Variants in USP25 observed in about 807,000 individuals in gnomAD.
The protein encoded by USP25 is ubiquitin specific peptidase 25.
Under a neutral mutation model 158.5 loss-of-function variants are expected in USP25, and 85 were observed. The observed-to-expected ratio is 0.54, with a 90% CI of 0.45 to 0.64. The LOEUF (loss-of-function observed/expected upper bound fraction) is 0.64, where lower values mean the gene tolerates loss of function less well. Among genes scored for constraint, USP25 ranks in the 30% least tolerant of loss-of-function variants. The pLI is 0.00. For synonymous variants in USP25, 464 were observed against 460.4 expected, an observed-to-expected ratio of 1.01 and a Z score of -0.10; for missense variants, 1,242 against 1,327.3, an observed-to-expected ratio of 0.94 and a Z score of 1.00.
chr21:15,831,350 A>G (rs1455261322), intron 15 of USP25, 51 bp from the exon 16 acceptor site: 1 of 1,532,638 alleles, frequency 6.5e-7, no homozygotes, highest in African/African-American at 1.4e-5. Flanking sequence ...GGAATGTGGT[A>G]TATAGTAAAC....
intron 20 of USP25, among the ~76,000 whole-genome samples, chr21:15,859,495 G>T (rs956875673): frequency 2.6e-5 from 4 of 151,920 alleles, no homozygotes; most frequent in South Asian, 2.1e-4. Flanking sequence ...GCGCCCGGCC[G>T]CTTTCTCTTG....
chr21:15,738,239 A>G (rs947168599), intron 1 of USP25, among the ~76,000 whole-genome samples: 5 of 152,156 alleles, frequency 3.3e-5, no homozygotes, highest in African/African-American at 1.2e-4. Flanking sequence ...CTCATACTGG[A>G]AAAGAAAGTT....
intron 22 of USP25, among the ~76,000 whole-genome samples, chr21:15,868,112 T>G (rs377564197): frequency 2.0e-5 from 3 of 152,310 alleles, no homozygotes; most frequent in African/African-American, 7.2e-5. Context: ...GGGAAATAAA[T>G]AAAATTTGAT....
At chr21:15,845,185 T>C (rs1406086015) in intron 18 of USP25, among the ~76,000 whole-genome samples, 1 of 152,158 alleles carries the variant, frequency 6.6e-6, no homozygotes, top group African/African-American at 2.4e-5. Context: ...ATAGCTTTTT[T>C]GTCACCCTTC....
rs1003807462 is a variant in USP25, at chr21:15,841,846, A to G, written c.2195-552A>G. On this transcript the variant is annotated intron_variant, in intron 17 of 25. Transcript: ENST00000400183. ...ATGTTCATTGTACATTGTTGGATATATAAGTCTGGAACTCAAAAGATGGAT... is the reference window on the plus strand; with the variant it reads ...ATGTTCATTGTACATTGTTGGATATGTAAGTCTGGAACTCAAAAGATGGAT... Among the ~76,000 whole-genome samples, 5 of 152,244 alleles carry G rather than the reference A, an allele frequency of 3.3e-5. 1 individual carries two copies. The highest frequency in any genetic ancestry group is 1.2e-4 in the African/African-American group (5 of 41,558).
intron 5 of USP25, among the ~76,000 whole-genome samples, chr21:15,798,724 C>T (rs900864304): frequency 1.3e-5 from 2 of 150,886 alleles, no homozygotes; most frequent in African/African-American, 4.8e-5. Context: ...TTTTTTTTTA[C>T]AGTTTCTGTT....
At chr21:15,784,566 C>G (rs2035168237) in intron 4 of USP25, among the ~76,000 whole-genome samples, 1 of 151,296 alleles carries the variant, frequency 6.6e-6, no homozygotes, top group African/African-American at 2.4e-5. Flanking sequence ...GAGCGAAACT[C>G]TGTTTCAAAA....
intron 20 of USP25, among the ~76,000 whole-genome samples, chr21:15,855,984 G>A (rs1320655517): frequency 6.6e-6 from 1 of 152,110 alleles, no homozygotes; most frequent in Admixed American, 6.5e-5. Flanking sequence ...TTATACAGTT[G>A]TCATTTCTTC....
chr21:15,864,506 TC>T, intron 21 of USP25, 60 bp downstream of exon 21: 1 of 1,421,528 alleles, frequency 7.0e-7, no homozygotes, highest in Non-Finnish European at 9.5e-7. Flanking sequence ...TCCTGCAGAT[TC>T]CCAGGATAAT....
At chr21:15,773,789 A>C (rs1010298593) in intron 3 of USP25, among the ~76,000 whole-genome samples, 1 of 152,226 alleles carries the variant, frequency 6.6e-6, no homozygotes, top group South Asian at 2.1e-4. Flanking sequence ...CTATTAGTTC[A>C]TATTAAAATG....
At position 15,880,005 on chromosome 21, in the gene USP25, A is replaced by T. The variant is rs747021558; in HGVS notation, c.*1530A>T. 6.6e-6 allele frequency: 1 copy of T among 152,232 alleles called. No individual in the cohort carries two copies. Among genetic ancestry groups the T allele is most frequent in the Non-Finnish European group, 1.5e-5 (1 of 68,036 alleles). The allele number at this position is 152,232 out of a possible 1,614,324, so 9.4% of individuals were successfully genotyped here. On this transcript the variant is annotated 3_prime_UTR_variant, in exon 26 of 26. Transcript: ENST00000400183. ...CCTGTTAAAAGTTTAGAAACTTCAT[A>T]TGTGTCATCACAGCTTTTGTAAAGA...
At chr21:15,733,935 GT>G (rs2031226717) in intron 1 of USP25, among the ~76,000 whole-genome samples, 2 of 152,238 alleles carry the variant, frequency 1.3e-5, no homozygotes, top group Non-Finnish European at 1.5e-5. Flanking sequence ...AAGACAGGAT[GT>G]GGGATAGATC....
At chr21:15,872,231 G>A (rs765693515) in intron 23 of USP25, among the ~76,000 whole-genome samples, 1 of 151,990 alleles carries the variant, frequency 6.6e-6, no homozygotes, top group Admixed American at 6.5e-5. Context: ...TTTATAGAGT[G>A]TACCAGGCTA....
rs559399627 is a variant in USP25, at chr21:15,860,977, G to T, written c.2548-3291G>T. Among the ~76,000 whole-genome samples the T allele has an allele frequency of 8.7e-3, 1,273 of 146,134 alleles. 7 individuals are homozygous for T. Among genetic ancestry groups the T allele is most frequent in the South Asian group, 0.02 (94 of 4,668 alleles). ...TCATATATATATATATATATATATA[G>T]AGAGAGAGAGAGAGAGAGTTTACAT... On this transcript the variant is annotated intron_variant, in intron 20 of 25. Transcript: ENST00000400183.
chr21:15,738,657 T>C (rs1255426812), intron 1 of USP25, among the ~76,000 whole-genome samples: 1 of 152,146 alleles, frequency 6.6e-6, no homozygotes, highest in Non-Finnish European at 1.5e-5. Flanking sequence ...GTACTTTCTG[T>C]GTAAAAGATC....
chr21:15,861,861 C>T (rs1345251943), intron 20 of USP25, among the ~76,000 whole-genome samples: 1 of 152,056 alleles, frequency 6.6e-6, no homozygotes, highest in Non-Finnish European at 1.5e-5. Flanking sequence ...TTAGAAGTGT[C>T]TTTCTACCTC....
intron 9 of USP25, among the ~76,000 whole-genome samples, chr21:15,813,241 T>C (rs2036763845): frequency 6.6e-6 from 1 of 152,230 alleles, no homozygotes; most frequent in African/African-American, 2.4e-5. Flanking sequence ...CTGCAATAAA[T>C]ATTTTCGTTT....
intron 20 of USP25, among the ~76,000 whole-genome samples, chr21:15,854,389 C>A (rs1284510267): frequency 6.6e-6 from 1 of 152,038 alleles, no homozygotes; most frequent in Non-Finnish European, 1.5e-5. Flanking sequence ...TGTGATCTGC[C>A]CTCTTCGGCC....
Position 15,778,004 on chromosome 21 carries a change from T to C in USP25, c.369T>C (p.Thr123=). ...SNRAFRETGI[T]DEEQAISRVL... The stretch of plus-strand genomic sequence containing the variant: ...GGGCATTCAGGGAGACTGGAATAAC[T>C]GATGAGGAACAAGCCATTAGCAGGT... Residue 123 remains threonine (T), a synonymous_variant, in exon 4 of 26, where the codon ACT becomes ACC. Transcript: ENST00000400183. 6.2e-7 allele frequency: 1 copy of C among 1,610,036 alleles called. No individual in the cohort carries two copies. Among genetic ancestry groups the C allele is most frequent in the Non-Finnish European group, 8.5e-7 (1 of 1,178,618 alleles).
Sources: gnomAD v4.1 joint callset for allele counts (sites outside exome capture counted in the v4.1 genomes callset) on GRCh38, gnomAD v4.1.1 for gene constraint, MANE v1.5 for transcripts, NCBI Gene and HGNC (gene_info 2026-07-23, HGNC 2026-07-21) for gene names.